Variants in SYNE1 observed in about 807,000 individuals in gnomAD.
SYNE1 encodes the protein nesprin-1.
SYNE1 carries 616 observed loss-of-function variants against 1,111.0 expected under a neutral mutation model. That is an observed-to-expected ratio of 0.55 (90% CI 0.52 to 0.59). The LOEUF is 0.59. Ranked by LOEUF, SYNE1 falls within the 20% of genes least tolerant of loss-of-function variation. The probability of loss-of-function intolerance (pLI) is 0.00; values close to 1 mark genes in which losing one functional copy is unlikely to be tolerated. For missense variants in SYNE1, 10,006 were observed against 10,417.0 expected (o/e 0.96, Z 1.72); for synonymous variants, 3,855 against 3,825.8 (o/e 1.01, Z -0.28).
At chr6:152,238,048 T>C (rs1329811994) in intron 108 of SYNE1, among the ~76,000 whole-genome samples, 3 of 152,138 alleles carry the variant, frequency 2.0e-5, no homozygotes, top group Non-Finnish European at 4.4e-5. Context: ...ACCCAGGCCT[T>C]CTAGTGAGGA....
chr6:152,405,468 T>C (rs1352715911), intron 45 of SYNE1, among the ~76,000 whole-genome samples: 1 of 152,198 alleles, frequency 6.6e-6, no homozygotes, highest in Non-Finnish European at 1.5e-5. Flanking sequence ...ATACAATAGA[T>C]GTCAATAACT....
intron 128 of SYNE1, among the ~76,000 whole-genome samples, chr6:152,181,640 C>T (rs1376926723): frequency 6.6e-6 from 1 of 152,208 alleles, no homozygotes; most frequent in Non-Finnish European, 1.5e-5. Context: ...TGTATCAATA[C>T]TTCATTCCCT....
rs545568394 is a variant in SYNE1 at position 152,310,667 on chromosome 6, CT to C, written c.16896+20del. 364 of 1,507,126 alleles carry C rather than the reference CT, an allele frequency of 2.4e-4. No homozygotes were observed. The highest frequency in any genetic ancestry group is 9.2e-4 in the East Asian group (39 of 42,248). 93.4% of individuals were successfully genotyped at this position (1,507,126 alleles called of 1,614,324 possible). ...CAATGATAGACATTTTTTTCTGTTTCTTTTTTTTTTCTTTTTTTACCTTAGC... is the reference window on the plus strand; with the variant it reads ...CAATGATAGACATTTTTTTCTGTTTCTTTTTTTTTCTTTTTTTACCTTAGC... On this transcript the variant is annotated intron_variant, in intron 88 of 145. Transcript: ENST00000367255.
At chr6:152,532,185 A>G (rs2099206018) in intron 4 of SYNE1, among the ~76,000 whole-genome samples, 2 of 152,192 alleles carry the variant, frequency 1.3e-5, no homozygotes, top group African/African-American at 4.8e-5. Flanking sequence ...ATCTTCTACA[A>G]TCTTAGAATC....
chr6:152,541,957 A>G (rs894784894), intron 3 of SYNE1, among the ~76,000 whole-genome samples: 2 of 151,118 alleles, frequency 1.3e-5, no homozygotes, highest in Non-Finnish European at 1.5e-5. Flanking sequence ...ATAAAAGTTG[A>G]AAAAAAAAGA....
At chr6:152,352,696 G>A (rs553719594) in intron 69 of SYNE1, among the ~76,000 whole-genome samples, 1 of 152,178 alleles carries the variant, frequency 6.6e-6, no homozygotes, top group Non-Finnish European at 1.5e-5. Context: ...GAGCCACTGT[G>A]CCTGGCCATT....
chr6:152,267,727 G>A (rs1375287992), intron 100 of SYNE1, among the ~76,000 whole-genome samples: 1 of 152,208 alleles, frequency 6.6e-6, no homozygotes, highest in Non-Finnish European at 1.5e-5. Context: ...ATGCTCTCCA[G>A]TGAGATACAA....
At chr6:152,511,648 T>A in intron 6 of SYNE1, 1 of 1,552,630 alleles carries the variant, frequency 6.4e-7, no homozygotes, top group Non-Finnish European at 8.9e-7. Flanking sequence ...TCTTTCAAAA[T>A]CAGCATTATT....
intron 3 of SYNE1, among the ~76,000 whole-genome samples, chr6:152,620,958 T>G (rs554522802): frequency 6.6e-6 from 1 of 152,208 alleles, no homozygotes; most frequent in South Asian, 2.1e-4. Context: ...CAGAAGATAA[T>G]TGTCATATTG....
At chr6:152,574,073 A>G (rs550654169) in intron 3 of SYNE1, among the ~76,000 whole-genome samples, 11 of 151,688 alleles carry the variant, frequency 7.3e-5, no homozygotes, top group African/African-American at 2.7e-4. Flanking sequence ...AGCTGTAACT[A>G]TGATTTGAGC....
intron 9 of SYNE1, 100 bp downstream of exon 9, chr6:152,505,101 G>T: frequency 7.5e-7 from 1 of 1,339,818 alleles, no homozygotes; most frequent in Non-Finnish European, 1.1e-6. Context: ...CCAGCTTTCT[G>T]GCCTCCAATA....
intron 16 of SYNE1, among the ~76,000 whole-genome samples, chr6:152,467,322 C>A (rs1277793782): frequency 1.3e-5 from 2 of 151,876 alleles, no homozygotes; most frequent in African/African-American, 2.4e-5. Context: ...CTTATTACAA[C>A]CCAGTTGAGA....
At chr6:152,236,677 G>A in intron 109 of SYNE1, 140 bp downstream of exon 109, 1 of 1,107,318 alleles carries the variant, frequency 9.0e-7, no homozygotes, top group Non-Finnish European at 1.3e-6. Flanking sequence ...ATAAATAACA[G>A]AAACATTATC....
chr6:152,490,375 C>A (rs1003169750), intron 11 of SYNE1, among the ~76,000 whole-genome samples: 4 of 152,200 alleles, frequency 2.6e-5, no homozygotes. Context: ...ACGTATATAT[C>A]CAGATGGCCT....
chr6:152,140,896 G>C (rs533701406), intron 139 of SYNE1, among the ~76,000 whole-genome samples: 1 of 152,096 alleles, frequency 6.6e-6, no homozygotes. Flanking sequence ...TTAGCTGGGC[G>C]TGGTGGCGGG....
intron 4 of SYNE1, among the ~76,000 whole-genome samples, chr6:152,530,764 G>A (rs1227209488): frequency 6.6e-6 from 1 of 151,906 alleles, no homozygotes; most frequent in African/African-American, 2.4e-5. Flanking sequence ...TGGGACTACA[G>A]GCGCCCACCA....
At chr6:152,355,172 T>C (rs2096813967) in intron 66 of SYNE1, among the ~76,000 whole-genome samples, 196 bp from the exon 67 acceptor site, 1 of 152,174 alleles carries the variant, frequency 6.6e-6, no homozygotes. Context: ...ACTTTTTCAA[T>C]TAAAATAATC....
intron 3 of SYNE1, among the ~76,000 whole-genome samples, chr6:152,556,427 G>A (rs558120586): frequency 3.3e-5 from 5 of 152,276 alleles, no homozygotes; most frequent in East Asian, 1.9e-4. Context: ...CCTTCAGACC[G>A]AGGATTTGGG....
intron 8 of SYNE1, among the ~76,000 whole-genome samples, chr6:152,506,930 C>A (rs1384535172): frequency 6.6e-6 from 1 of 152,064 alleles, no homozygotes; most frequent in East Asian, 1.9e-4. Flanking sequence ...ACATGTTTTA[C>A]CAATGTACAC....
Sources: gnomAD v4.1 joint callset for allele counts (sites outside exome capture counted in the v4.1 genomes callset) on GRCh38, gnomAD v4.1.1 for gene constraint, MANE v1.5 for transcripts, NCBI Gene and HGNC (gene_info 2026-07-23, HGNC 2026-07-21) for gene names.